The following SOX5 variants were observed in gnomAD, a reference collection of about 807,000 sequenced individuals.
SOX5 encodes SRY-box transcription factor 5, also known as transcription factor SOX-5.
A neutral mutation model predicts 92.0 loss-of-function variants in SOX5; 9 were observed. That is an observed-to-expected ratio of 0.10 (90% CI 0.06 to 0.17). The LOEUF (loss-of-function observed/expected upper bound fraction) is 0.17, where lower values mean the gene tolerates loss of function less well. Among genes scored for constraint, SOX5 ranks in the 10% least tolerant of loss-of-function variants. The probability of loss-of-function intolerance (pLI) is 1.00; values close to 1 mark genes in which losing one functional copy is unlikely to be tolerated. For synonymous variants in SOX5, 344 were observed against 336.3 expected, an observed-to-expected ratio of 1.02 and a Z score of -0.25; for missense variants, 642 against 944.5, an observed-to-expected ratio of 0.68 and a Z score of 4.20.
chr12:24,194,250 G>T (rs1053140125), intron 4 of SOX5, among the ~76,000 whole-genome samples: 1 of 152,102 alleles, frequency 6.6e-6, no homozygotes, highest in Non-Finnish European at 1.5e-5. Context: ...AAAGGGCACT[G>T]TATCATACTC....
chr12:23,849,668 G>A (rs1422414727), intron 2 of SOX5, among the ~76,000 whole-genome samples: 1 of 152,084 alleles, frequency 6.6e-6, no homozygotes, highest in Non-Finnish European at 1.5e-5. Context: ...ATACGTTCAA[G>A]TCCTAAAGAA....
chr12:24,178,646 T>A (rs1179117829), intron 4 of SOX5, among the ~76,000 whole-genome samples: 1 of 152,254 alleles, frequency 6.6e-6, no homozygotes, highest in Non-Finnish European at 1.5e-5. Context: ...AAAACCCTTG[T>A]GAAAAGTATT....
intron 9 of SOX5, among the ~76,000 whole-genome samples, chr12:23,601,139 A>G (rs1214829395): frequency 4.6e-5 from 7 of 152,216 alleles, no homozygotes; most frequent in African/African-American, 1.7e-4. Context: ...TCCCCAAGCC[A>G]CCAACTGGCA....
intron 3 of SOX5, among the ~76,000 whole-genome samples, chr12:23,767,180 C>A (rs1361523778): frequency 6.6e-6 from 1 of 151,402 alleles, no homozygotes; most frequent in East Asian, 1.9e-4. Flanking sequence ...GCACTCCAGC[C>A]TGGGCAAGAA....
At chr12:24,347,819 T>C (rs1953506193) in intron 2 of SOX5, among the ~76,000 whole-genome samples, 1 of 152,118 alleles carries the variant, frequency 6.6e-6, no homozygotes, top group Non-Finnish European at 1.5e-5. Flanking sequence ...TTAGCAAAGT[T>C]AGCAATACTA....
In SOX5 at chr12:23,534,168, C is replaced by T; in HGVS notation, c.*51G>A. The T allele has an allele frequency of 2.0e-6, 3 of 1,497,664 alleles. No individual in the cohort carries two copies. Among genetic ancestry groups the T allele is most frequent in the East Asian group, 2.3e-5 (1 of 44,146 alleles). The allele number at this position is 1,497,664 out of a possible 1,614,324, so 92.8% of individuals were successfully genotyped here. ...GTGCTTGGCCACTGGTAAGGATGAACCAGTTAGGGCTTCTTTAAGTCCTAA... is the reference window on the plus strand; with the variant it reads ...GTGCTTGGCCACTGGTAAGGATGAATCAGTTAGGGCTTCTTTAAGTCCTAA... On this transcript the variant is annotated 3_prime_UTR_variant, in exon 15 of 15. Transcript: ENST00000451604.
intron 1 of SOX5, among the ~76,000 whole-genome samples, chr12:23,940,473 TA>T (rs1943413470): frequency 6.6e-6 from 1 of 151,194 alleles, no homozygotes; most frequent in African/African-American, 2.4e-5. Context: ...AGTTAGGAGC[TA>T]GGGACACTGC....
intron 3 of SOX5, among the ~76,000 whole-genome samples, chr12:23,776,621 T>C (rs998929536): frequency 6.6e-6 from 1 of 152,110 alleles, no homozygotes; most frequent in African/African-American, 2.4e-5. Flanking sequence ...GAAGACATTT[T>C]TTTTTAACAG....
At chr12:23,951,041 T>A (rs1188159107), upstream of SOX5, 4 of 599,416 alleles carry the variant, frequency 6.7e-6, no homozygotes, top group Non-Finnish European at 1.2e-5. Flanking sequence ...CTGGGAGGGT[T>A]CATTCTGCAC....
At chr12:24,357,079 T>C (rs1489868554) in intron 2 of SOX5, among the ~76,000 whole-genome samples, 4 of 152,174 alleles carry the variant, frequency 2.6e-5, no homozygotes, top group Non-Finnish European at 4.4e-5. Flanking sequence ...TAGAGCAAAC[T>C]TTGAATGTCT....
chr12:23,971,737 G>A (rs978927232), intron 4 of SOX5, among the ~76,000 whole-genome samples: 1 of 151,892 alleles, frequency 6.6e-6, no homozygotes, highest in African/African-American at 2.4e-5. Context: ...TAGAGTCCCT[G>A]TTCATTCTTT....
At chr12:24,174,299 G>T (rs1954555904) in intron 4 of SOX5, among the ~76,000 whole-genome samples, 2 of 152,110 alleles carry the variant, frequency 1.3e-5, no homozygotes, top group South Asian at 4.1e-4. Flanking sequence ...GCACCCGGCA[G>T]AAATCTGAGT....
intron 2 of SOX5, among the ~76,000 whole-genome samples, chr12:24,320,678 A>G (rs1950123864): frequency 6.6e-6 from 1 of 152,076 alleles, no homozygotes; most frequent in African/African-American, 2.4e-5. Flanking sequence ...ATCCTGGCTA[A>G]CACAGTGAAA....
chr12:24,211,501 GTTC>G (rs1958608484), intron 4 of SOX5, among the ~76,000 whole-genome samples: 1 of 152,274 alleles, frequency 6.6e-6, no homozygotes, highest in Non-Finnish European at 1.5e-5. Context: ...ACATTTTTAA[GTTC>G]TTGATTTCTT....
intron 4 of SOX5, among the ~76,000 whole-genome samples, chr12:24,090,054 A>G (rs1944457541): frequency 6.6e-6 from 1 of 152,156 alleles, no homozygotes; most frequent in Admixed American, 6.5e-5. Flanking sequence ...AAGACATTTT[A>G]ATGACTAAAT....
At chr12:24,329,270 G>A (rs867951208) in intron 2 of SOX5, among the ~76,000 whole-genome samples, 8 of 152,046 alleles carry the variant, frequency 5.3e-5, no homozygotes, top group African/African-American at 1.9e-4. Flanking sequence ...AGTTTTAATC[G>A]ACTCACAGTT....
chr12:24,068,740 A>G (rs1941283807), intron 4 of SOX5, among the ~76,000 whole-genome samples: 3 of 90,058 alleles, frequency 3.3e-5, no homozygotes, highest in Non-Finnish European at 7.1e-5. Context: ...ATATATATAT[A>G]TATATATACA....
chr12:24,148,709 A>T (rs1278515041), intron 4 of SOX5, among the ~76,000 whole-genome samples: 1 of 115,308 alleles, frequency 8.7e-6, no homozygotes. Flanking sequence ...AAAAAAAAAA[A>T]AAAAAAAGAA....
chr12:23,789,944 C>T lies in SOX5; in HGVS notation c.482-34220G>A, dbSNP rs553248633. The stretch of plus-strand genomic sequence containing the variant: ...ACTCCAGCTTTTTCAAGCTCAACCC[C>T]GCAAGTCCATTCTTAGAATAATTTG... On this transcript the variant is annotated intron_variant, in intron 3 of 14. Coordinates refer to ENST00000451604, the MANE Select transcript of SOX5 (RefSeq NM_006940.6). Among the ~76,000 whole-genome samples, 46 of 152,210 alleles carry T rather than the reference C, an allele frequency of 3.0e-4. 1 individual carries two copies. Among genetic ancestry groups the T allele is most frequent in the African/African-American group, 1.1e-3 (45 of 41,534 alleles).
Sources: gnomAD v4.1 joint callset for allele counts (sites outside exome capture counted in the v4.1 genomes callset) on GRCh38, gnomAD v4.1.1 for gene constraint, MANE v1.5 for transcripts, NCBI Gene and HGNC (gene_info 2026-07-23, HGNC 2026-07-21) for gene names.